GALNT2: variants seen among roughly 807,000 people sequenced by gnomAD.
The protein encoded by GALNT2 is UDP-GalNAc:polypeptide N-acetylgalactosaminyltransferase 2.
In GALNT2, 31 loss-of-function variants were observed where a neutral mutation model predicts 81.4. The observed-to-expected ratio is 0.38, with a 90% confidence interval of 0.29 to 0.51. The LOEUF (loss-of-function observed/expected upper bound fraction) is 0.51. Among genes scored for constraint, GALNT2 ranks in the 20% least tolerant of loss-of-function variants. GALNT2 has a pLI of 0.87. For missense variants in GALNT2, 629 were observed against 765.7 expected, an observed-to-expected ratio of 0.82 and a Z score of 2.11; for synonymous variants, 303 against 287.4, an observed-to-expected ratio of 1.05 and a Z score of -0.55.
intron 1 of GALNT2, among the ~76,000 whole-genome samples, chr1:230,155,965 G>A (rs1662238339): frequency 2.0e-5 from 3 of 152,128 alleles, no homozygotes; most frequent in African/African-American, 7.2e-5. Context: ...CATGGGATCA[G>A]TGCTAAGGGC....
At chr1:230,102,021 G>A (rs1323511865) in intron 1 of GALNT2, among the ~76,000 whole-genome samples, 3 of 152,180 alleles carry the variant, frequency 2.0e-5, no homozygotes, top group Non-Finnish European at 4.4e-5. Context: ...TGGTTGATGC[G>A]GGCACAATTT....
At chr1:230,067,564 C>G (rs989922534) in intron 1 of GALNT2, among the ~76,000 whole-genome samples, 158 bp downstream of exon 1, 1 of 151,764 alleles carries the variant, frequency 6.6e-6, no homozygotes, top group African/African-American at 2.4e-5. Context: ...GTGCCCAGGG[C>G]AGGGGTGCAC....
Position 230,197,769 on chromosome 1 carries a change from C to T in GALNT2, c.221-5368C>T, listed in dbSNP as rs558647198. 8.5e-5 allele frequency among the ~76,000 whole-genome samples: 13 copies of T among 152,114 alleles called. No homozygotes were observed. The South Asian group carries it at 1.7e-3, about 19-fold the overall frequency. ...TGTGCTCTGTGTGTGTGTGTGCATG[C>T]GTGCGTACATGCGTGCGTGTGTGTG... On this transcript the variant is annotated intron_variant, in intron 2 of 15. Transcript: ENST00000366672.
chr1:230,194,439 C>G (rs140856747), intron 2 of GALNT2, among the ~76,000 whole-genome samples: 4 of 152,356 alleles, frequency 2.6e-5, no homozygotes, highest in South Asian at 4.1e-4. Context: ...TAGGTCTGCT[C>G]TGTCTCTCCA....
chr1:230,081,165 G>A (rs188095693), intron 1 of GALNT2, among the ~76,000 whole-genome samples: 10 of 152,268 alleles, frequency 6.6e-5, no homozygotes, highest in African/African-American at 2.4e-4. Context: ...GAGGATGAAG[G>A]GGCTCCTGCA....
At chr1:230,134,664 T>C (rs1661480389) in intron 1 of GALNT2, among the ~76,000 whole-genome samples, 2 of 152,206 alleles carry the variant, frequency 1.3e-5, no homozygotes, top group South Asian at 2.1e-4. Context: ...AAACTCCTTC[T>C]GTATCAGCTC....
intron 8 of GALNT2, among the ~76,000 whole-genome samples, chr1:230,246,481 G>C (rs917601691): frequency 1.1e-4 from 17 of 152,172 alleles, no homozygotes; most frequent in African/African-American, 3.6e-4. Flanking sequence ...GGGGTGAGAA[G>C]CTTCACGGAG....
At position 230,249,260 on chromosome 1, in the gene GALNT2, C is replaced by T. The variant is rs762888092; in HGVS notation, c.894C>T (p.Val298=). The T allele has an allele frequency of 6.8e-6, 11 of 1,613,882 alleles. No individual in the cohort carries two copies. Among genetic ancestry groups the T allele is most frequent in the East Asian group, 4.5e-5 (2 of 44,880 alleles). Residue 298 remains valine (V), a synonymous_variant, in exon 9 of 16, where the codon GTC becomes GTT. Coordinates refer to ENST00000366672, the MANE Select transcript of GALNT2 (RefSeq NM_004481.5). ...GAAGGTCCCGGCAGGGGAACCCAGT[C>T]GCCCCTATAAAGTAAGTGCCAGCAT... ...EQRRSRQGNP[V]APIKTPMIAG... is the part of the protein sequence containing the mutation.
intron 1 of GALNT2, among the ~76,000 whole-genome samples, chr1:230,126,464 T>C (rs1340892670): frequency 2.0e-5 from 3 of 151,980 alleles, no homozygotes; most frequent in African/African-American, 7.3e-5. Context: ...TTGTCTTATA[T>C]CATAAGGGGG....
At chr1:230,117,202 C>T (rs1353412556) in intron 1 of GALNT2, among the ~76,000 whole-genome samples, 3 of 152,238 alleles carry the variant, frequency 2.0e-5, no homozygotes, top group Admixed American at 2.0e-4. Flanking sequence ...TCCTCACACA[C>T]GGTTAGCTTT....
chr1:230,093,491 G>A (rs1043760851), intron 1 of GALNT2, among the ~76,000 whole-genome samples: 2 of 152,208 alleles, frequency 1.3e-5, no homozygotes, highest in African/African-American at 4.8e-5. Context: ...GGTAAAACTA[G>A]ATCGGCTGCG....
intron 1 of GALNT2, among the ~76,000 whole-genome samples, chr1:230,131,648 C>T (rs1175196231): frequency 3.3e-5 from 5 of 152,140 alleles, no homozygotes; most frequent in Non-Finnish European, 5.9e-5. Context: ...CGTTTAGCTC[C>T]GCTGCACCAG....
intron 2 of GALNT2, among the ~76,000 whole-genome samples, chr1:230,192,119 T>C (rs1218013925): frequency 6.6e-6 from 1 of 152,238 alleles, no homozygotes; most frequent in East Asian, 1.9e-4. Flanking sequence ...GCTGGGCAGC[T>C]GAGAACTGCA....
chr1:230,249,067 T>G, intron 8 of GALNT2, 117 bp from the exon 9 acceptor site: 2 of 1,022,440 alleles, frequency 2.0e-6, no homozygotes, highest in Non-Finnish European at 1.5e-6. Flanking sequence ...TGGCTTTGTT[T>G]TGGTTTTCAT....
chr1:230,235,944 C>A, intron 3 of GALNT2, 70 bp from the exon 4 acceptor site: 1 of 1,451,028 alleles, frequency 6.9e-7, no homozygotes. Context: ...TGCCTGTTCT[C>A]TGAAGGGCTA....
chr1:230,250,398 G>A, intron 9 of GALNT2, 59 bp from the exon 10 acceptor site: 3 of 1,302,444 alleles, frequency 2.3e-6, no homozygotes, highest in Non-Finnish European at 3.3e-6. Context: ...AAGGGTGCTG[G>A]CAATCTAACC....
At chr1:230,137,789 A>G (rs1199044320) in intron 1 of GALNT2, among the ~76,000 whole-genome samples, 1 of 152,238 alleles carries the variant, frequency 6.6e-6, no homozygotes, top group African/African-American at 2.4e-5. Context: ...GATTTGGCTC[A>G]GGATTGATGT....
At chr1:230,274,322 A>C in intron 14 of GALNT2, 123 bp from the exon 15 acceptor site, 1 of 1,306,410 alleles carries the variant, frequency 7.7e-7, no homozygotes, top group Non-Finnish European at 1.0e-6. Flanking sequence ...CAGTTGGCTC[A>C]GGGGTTCTGA....
chr1:230,199,399 A>G (rs935485357), intron 2 of GALNT2, among the ~76,000 whole-genome samples: 1 of 152,196 alleles, frequency 6.6e-6, no homozygotes, highest in African/African-American at 2.4e-5. Context: ...GAAATAACCA[A>G]TTTTAGTAAT....
Sources: gnomAD v4.1 joint callset for allele counts (sites outside exome capture counted in the v4.1 genomes callset) on GRCh38, gnomAD v4.1.1 for gene constraint, MANE v1.5 for transcripts, NCBI Gene and HGNC (gene_info 2026-07-23, HGNC 2026-07-21) for gene names.